CLEC9A: variants seen among roughly 807,000 people sequenced by gnomAD.
The protein encoded by CLEC9A is C-type lectin domain containing 9A.
Under a neutral mutation model 30.0 loss-of-function variants are expected in CLEC9A, and 24 were observed. That is an observed-to-expected ratio of 0.80 (90% CI 0.58 to 1.13). CLEC9A has a LOEUF of 1.13. Ranked by LOEUF, CLEC9A falls within the 50% of genes most tolerant of loss-of-function variation. The probability of loss-of-function intolerance (pLI) is 0.00; values close to 1 mark genes in which losing one functional copy is unlikely to be tolerated. For missense variants in CLEC9A, 251 were observed against 280.9 expected (o/e 0.89, Z 0.76); for synonymous variants, 111 against 96.8 (o/e 1.15, Z -0.86).
At chr12:10,059,295 A>G (rs1053374095) in intron 5 of CLEC9A, among the ~76,000 whole-genome samples, 3 of 152,230 alleles carry the variant, frequency 2.0e-5, no homozygotes, top group Non-Finnish European at 4.4e-5. Flanking sequence ...GTGCAAATCA[A>G]TTGAAAGAAG....
chr12:10,059,952 G>A (rs1591894282), intron 5 of CLEC9A, among the ~76,000 whole-genome samples: 1 of 152,094 alleles, frequency 6.6e-6, no homozygotes, highest in East Asian at 1.9e-4. Context: ...AAGAAAAGAT[G>A]TTCAATGTCA....
At chr12:10,045,362 C>CT (rs538722443) in intron 2 of CLEC9A, 32 of 151,182 alleles carry the variant, frequency 2.1e-4, no homozygotes, top group East Asian at 5.7e-4. Flanking sequence ...CAATGAGAAA[C>CT]TTTTTTTTTT....
intron 1 of CLEC9A, among the ~76,000 whole-genome samples, chr12:10,035,062 C>G (rs1183591979): frequency 6.6e-6 from 1 of 152,226 alleles, no homozygotes; most frequent in Non-Finnish European, 1.5e-5. Flanking sequence ...TCTGGCCACT[C>G]AGTGGCCCAG....
intron 5 of CLEC9A, among the ~76,000 whole-genome samples, chr12:10,060,081 G>A (rs934965738): frequency 5.9e-5 from 9 of 152,176 alleles, no homozygotes; most frequent in African/African-American, 1.2e-4. Context: ...CAGAGAAAGC[G>A]GATCACTCAC....
chr12:10,065,451 T>A, intron 8 of CLEC9A, 49 bp from the exon 9 acceptor site: 1 of 1,607,802 alleles, frequency 6.2e-7, no homozygotes, highest in Non-Finnish European at 8.5e-7. Flanking sequence ...TCAGGAGCAT[T>A]TCTGAAACTC....
chr12:10,038,031 G>C (rs761990194), intron 1 of CLEC9A, among the ~76,000 whole-genome samples: 1 of 152,224 alleles, frequency 6.6e-6, no homozygotes, highest in Non-Finnish European at 1.5e-5. Flanking sequence ...TTCAAGAACA[G>C]AAGCTGTGGT....
chr12:10,061,232 T>A lies in CLEC9A; in HGVS notation c.278T>A (p.Met93Lys), dbSNP rs148035230. ...TGGAAGAGAAGCTGTGCCCTTCAGA[T>A]GAAATATTGCCAAGCCTTCATGCAA... ...TEWKRSCALQ[M>K]KYCQAFMQNS... Residue 93 changes from methionine (M) to lysine (K), a missense_variant, in exon 6 of 9, where the codon ATG (methionine) becomes AAG (lysine). Physicochemically the swap from Met to Lys is moderately conservative, Grantham distance 95. Coordinates refer to ENST00000355819, the MANE Select transcript of CLEC9A (RefSeq NM_207345.4). 2.9e-5 allele frequency: 47 copies of A among 1,611,956 alleles called. No homozygotes were observed. In the South Asian group the frequency reaches 4.2e-4, roughly 14 times the overall value.
In CLEC9A at chr12:10,052,630, A is replaced by G; in HGVS notation, c.-58A>G. The G allele has an allele frequency of 6.3e-7, 1 of 1,596,218 alleles. No homozygotes were observed. The highest frequency in any genetic ancestry group is 8.5e-7 in the Non-Finnish European group (1 of 1,171,786). On this transcript the variant is annotated splice_region_variant and 5_prime_UTR_variant, in exon 4 of 9. It adds an upstream start codon to the 5' untranslated region. Transcript: ENST00000355819. ...ACACCAACCTGCTCCAAACCACAAG[A>G]GGAGTTACTTGTTCCAGCCTCCTGT...
At chr12:10,047,317 A>C (rs994784115) in intron 2 of CLEC9A, among the ~76,000 whole-genome samples, 6 of 152,246 alleles carry the variant, frequency 3.9e-5, no homozygotes. Flanking sequence ...GCATATGTTC[A>C]TACATCACTA....
chr12:10,056,532 G>C (rs922610217), intron 5 of CLEC9A, among the ~76,000 whole-genome samples: 6 of 152,038 alleles, frequency 3.9e-5, no homozygotes, highest in Non-Finnish European at 7.4e-5. Context: ...CTAAATAAAA[G>C]CTGAAATTAT....
intron 2 of CLEC9A, among the ~76,000 whole-genome samples, chr12:10,047,060 CT>C (rs905307590): frequency 6.6e-6 from 1 of 152,098 alleles, no homozygotes; most frequent in Non-Finnish European, 1.5e-5. Context: ...ACACTTGAAT[CT>C]TTATCTTTTT....
intron 2 of CLEC9A, among the ~76,000 whole-genome samples, chr12:10,049,371 G>C (rs899834738): frequency 1.3e-5 from 2 of 152,122 alleles, no homozygotes; most frequent in African/African-American, 4.8e-5. Context: ...CCTAACAATA[G>C]AGTCAGCTTG....
At chr12:10,033,217 T>G (rs1022534396) in intron 1 of CLEC9A, among the ~76,000 whole-genome samples, 20 of 152,180 alleles carry the variant, frequency 1.3e-4, no homozygotes, top group African/African-American at 4.3e-4. Context: ...CAGATTTGGA[T>G]TCCTCCTTAA....
chr12:10,061,349 C>T, intron 6 of CLEC9A, 76 bp downstream of exon 6: 2 of 1,408,168 alleles, frequency 1.4e-6, no homozygotes, highest in South Asian at 2.8e-5. Flanking sequence ...CAGTGACACA[C>T]ATTTTGTTCT....
At chr12:10,047,408 C>T (rs1318889518) in intron 2 of CLEC9A, among the ~76,000 whole-genome samples, 2 of 152,140 alleles carry the variant, frequency 1.3e-5, no homozygotes, top group African/African-American at 4.8e-5. Context: ...TCAAACTGTG[C>T]CTACAAAGAT....
chr12:10,041,664 A>G, intron 2 of CLEC9A, 44 bp downstream of exon 2: 1 of 525,054 alleles, frequency 1.9e-6, no homozygotes, highest in Non-Finnish European at 3.8e-6. Flanking sequence ...CAAGGGAGAA[A>G]ACTCTCAAAT....
intron 2 of CLEC9A, among the ~76,000 whole-genome samples, chr12:10,043,486 C>T (rs544196951): frequency 6.6e-6 from 1 of 152,064 alleles, no homozygotes; most frequent in South Asian, 2.1e-4. Flanking sequence ...AACAAGAGAG[C>T]ACTGGTCATA....
intron 2 of CLEC9A, among the ~76,000 whole-genome samples, chr12:10,045,010 T>A (rs1209642366): frequency 6.6e-6 from 1 of 152,242 alleles, no homozygotes; most frequent in Non-Finnish European, 1.5e-5. Context: ...ATCTATCCTG[T>A]AACATAAATC....
intron 1 of CLEC9A, among the ~76,000 whole-genome samples, chr12:10,034,748 G>A (rs941780231): frequency 6.6e-6 from 1 of 152,192 alleles, no homozygotes; most frequent in Non-Finnish European, 1.5e-5. Context: ...GGGAGGGGCA[G>A]GCTGTGGGGC....
Sources: gnomAD v4.1 joint callset for allele counts (sites outside exome capture counted in the v4.1 genomes callset) on GRCh38, gnomAD v4.1.1 for gene constraint, MANE v1.5 for transcripts, NCBI Gene and HGNC (gene_info 2026-07-23, HGNC 2026-07-21) for gene names.